The following THUMPD2 variants were observed in gnomAD, a reference collection of about 807,000 sequenced individuals.
The protein encoded by THUMPD2 is THUMP domain 2 tRNA and snRNA guanosine methyltransferase.
In THUMPD2, 56 loss-of-function variants were observed where a neutral mutation model predicts 49.4. The ratio of observed to expected loss-of-function variants is 1.13; its 90% CI spans 0.91 to 1.41. The LOEUF is 1.41. Ranked by LOEUF, THUMPD2 falls within the 40% of genes most tolerant of loss-of-function variation. THUMPD2 has a pLI of 0.00. For missense variants in THUMPD2, 709 were observed against 594.5 expected, an observed-to-expected ratio of 1.19 and a Z score of -2.00; for synonymous variants, 237 against 205.2, an observed-to-expected ratio of 1.15 and a Z score of -1.32.
Position 39,769,925 on chromosome 2 carries a change from G to A in THUMPD2, c.457C>T (p.Gln153Ter), listed in dbSNP as rs763280636. Reference sequence around the variant, plus strand: ...CAGTCCCTATTCTCTTCTATCTTTTGCATTTGTTCTATTTTTAATTTCTTT... The same window carrying A: ...CAGTCCCTATTCTCTTCTATCTTTTACATTTGTTCTATTTTTAATTTCTTT... ...IAKKLKIEQM[Q>*]KIEENRDCQL... The change falls in exon 3 of 10, where the codon CAA becomes TAA. Residue 153 changes from glutamine to a stop codon, truncating the protein, a stop_gained. Coordinates refer to ENST00000505747, the MANE Select transcript of THUMPD2 (RefSeq NM_025264.5). LOFTEE classifies it high-confidence loss of function. 1 of 1,575,170 alleles carries A rather than the reference G, an allele frequency of 6.3e-7. No homozygotes were observed. The highest frequency in any genetic ancestry group is 1.4e-5 in the African/African-American group (1 of 71,950).
chr2:39,769,225 A>G (rs542552533), intron 3 of THUMPD2: 6 of 483,058 alleles, frequency 1.2e-5, no homozygotes, highest in South Asian at 7.4e-5. Flanking sequence ...GGCAGAAAGT[A>G]TAAGAAAGTC....
chr2:39,744,390 G>A lies in THUMPD2; in HGVS notation c.1167C>T (p.Ser389=). 3 of 1,575,228 alleles carry A rather than the reference G, an allele frequency of 1.9e-6. No individual in the cohort carries two copies. Among genetic ancestry groups the A allele is most frequent in the Non-Finnish European group, 1.7e-6 (2 of 1,163,548 alleles). Reference sequence around the variant, plus strand: ...CTTACCTTTCCATTTCTTGTAGAATGCTTTTGATGTCTTTTCCTAACTTAA... The same window carrying A: ...CTTACCTTTCCATTTCTTGTAGAATACTTTTGATGTCTTTTCCTAACTTAA... ...KKFKLGKDIK[S]ILQEMERVLH... is the part of the protein sequence containing the mutation. The change falls in exon 9 of 10, where the codon AGC becomes AGT. Residue 389 remains serine (S), a synonymous_variant. Coordinates refer to ENST00000505747, the MANE Select transcript of THUMPD2 (RefSeq NM_025264.5).
At chr2:39,769,217 C>A in intron 3 of THUMPD2, 1 of 574,802 alleles carries the variant, frequency 1.7e-6, no homozygotes. Flanking sequence ...AATTTTTAGG[C>A]AGAAAGTATA....
chr2:39,768,369 ACTGT>A, intron 4 of THUMPD2, 51 bp downstream of exon 4: 1 of 1,380,006 alleles, frequency 7.2e-7, no homozygotes, highest in South Asian at 1.2e-5. Flanking sequence ...AATACAGGAC[ACTGT>A]CTTTAAAGAA....
chr2:39,736,980 T>G lies in THUMPD2; in HGVS notation c.1267A>C (p.Asn423His), dbSNP rs1673164528. ...CTGTCCTTGGAATTGAAAGGGATGT[T>G]GCTCTCTTTACAATCTGTAAGGCGC... is the stretch of plus-strand genomic sequence containing the variant. ...HRRLTDCKES[N>H]IPFNSKDSHT... The change falls in exon 10 of 10, where the codon AAC becomes CAC. Residue 423 changes from asparagine (N) to histidine (H), a missense_variant. Transcript: ENST00000505747. The G allele has an allele frequency of 6.2e-7, 1 of 1,614,002 alleles. No individual in the cohort carries two copies. Among genetic ancestry groups the G allele is most frequent in the South Asian group, 1.1e-5 (1 of 91,080 alleles).
In THUMPD2 at chr2:39,750,811, C is replaced by A. The variant is rs190024696; in HGVS notation, c.1078+4484G>T. Among the ~76,000 whole-genome samples, 9 of 152,268 alleles carry A rather than the reference C, an allele frequency of 5.9e-5. No homozygotes were observed. In the East Asian group the frequency reaches 1.5e-3, roughly 26 times the overall value. On this transcript the variant is annotated intron_variant, in intron 8 of 9. Coordinates refer to ENST00000505747, the MANE Select transcript of THUMPD2 (RefSeq NM_025264.5). ...ATTTGGTCAGTGATATCGCCATGGC[C>A]TTCACAGTAGGATTGTAAATATCAA... is the stretch of plus-strand genomic sequence containing the variant.
In THUMPD2 at chr2:39,771,683, G is replaced by A. The variant is rs773210251; in HGVS notation, c.127-43C>T. The stretch of plus-strand genomic sequence containing the variant: ...GCTTTTAATGTAGTCCAGTGTCAGT[G>A]AAAAAACCATATTTTTTCCCTCAAG... On this transcript the variant is annotated intron_variant, in intron 1 of 9. Coordinates refer to ENST00000505747, the MANE Select transcript of THUMPD2 (RefSeq NM_025264.5). 3.2e-6 allele frequency: 5 copies of A among 1,559,014 alleles called. No individual in the cohort carries two copies. The South Asian group carries it at 4.9e-5, about 15-fold the overall frequency.
At chr2:39,763,495 T>C (rs763233093) in intron 5 of THUMPD2, among the ~76,000 whole-genome samples, 1 of 152,062 alleles carries the variant, frequency 6.6e-6, no homozygotes, top group Non-Finnish European at 1.5e-5. Flanking sequence ...TTTCACTGAA[T>C]ACACTGTTTT....
At chr2:39,769,229 G>A in intron 3 of THUMPD2, 1 of 452,972 alleles carries the variant, frequency 2.2e-6, no homozygotes, top group Non-Finnish European at 3.7e-6. Context: ...GAAAGTATAA[G>A]AAAGTCATTA....
chr2:39,755,936 T>A lies in THUMPD2; in HGVS notation c.916A>T (p.Met306Leu), dbSNP rs766776369. ...AAAAGTATTGTTCCAAGTCCACACATTGGATCTAAAACAAATGCACCAGCC... is the reference window on the plus strand; with the variant it reads ...AAAAGTATTGTTCCAAGTCCACACAATGGATCTAAAACAAATGCACCAGCC... ...IKAGAFVLDPMCGLGTILLEA... is the reference protein window; with the variant it reads ...IKAGAFVLDPLCGLGTILLEA... Residue 306 changes from methionine to leucine, a missense_variant, in exon 7 of 10, where the codon ATG (methionine) becomes TTG (leucine). Physicochemically the swap from Met to Leu is conservative, Grantham distance 15 (BLOSUM62 2). Transcript: ENST00000505747. The A allele has an allele frequency of 4.3e-6, 7 of 1,613,676 alleles. No homozygotes were observed. Among genetic ancestry groups the A allele is most frequent in the Non-Finnish European group, 5.9e-6 (7 of 1,179,836 alleles).
intron 5 of THUMPD2, among the ~76,000 whole-genome samples, chr2:39,765,740 G>A (rs1677431485): frequency 6.6e-6 from 1 of 151,930 alleles, no homozygotes; most frequent in Non-Finnish European, 1.5e-5. Flanking sequence ...ACTGGAGTAG[G>A]GCAGCCTAGA....
chr2:39,779,117 C>A lies in THUMPD2; in HGVS notation c.123G>T (p.Thr41=). The part of the protein sequence containing the change: ...MREVRARLAA[T]QVEYISGKVF... ...GCGCGCAGCGAGGCCAACTCACCTG[C>A]GTGGCCGCCAGCCGCGCCCGCACCT... Residue 41 remains threonine, a synonymous_variant, in exon 1 of 10, where the codon ACG becomes ACT. Transcript: ENST00000505747. The A allele has an allele frequency of 2.0e-6, 3 of 1,509,320 alleles. No homozygotes were observed. Among genetic ancestry groups the A allele is most frequent in the Middle Eastern group, 1.9e-4 (1 of 5,394 alleles). 93.5% of individuals were successfully genotyped at this position (1,509,320 alleles called of 1,614,324 possible). A position where few individuals can be genotyped will look rare whatever the true frequency, so the allele number is the denominator to read the frequency against.
At chr2:39,772,327 G>A (rs950976374) in intron 1 of THUMPD2, among the ~76,000 whole-genome samples, 6 of 152,180 alleles carry the variant, frequency 3.9e-5, no homozygotes, top group Admixed American at 6.5e-5. Flanking sequence ...TGAGTACCAC[G>A]AATGGTAATG....
At chr2:39,775,761 A>AC (rs1491164405) in intron 1 of THUMPD2, among the ~76,000 whole-genome samples, 1 of 30,864 alleles carries the variant, frequency 3.2e-5, no homozygotes, top group Non-Finnish European at 5.8e-5. Context: ...ACACTATGTC[A>AC]AAAAAAAAAA....
At chr2:39,765,954 TTC>T (rs1239248554) in intron 5 of THUMPD2, 101 bp downstream of exon 5, 6 of 914,588 alleles carry the variant, frequency 6.6e-6, no homozygotes, top group Non-Finnish European at 1.0e-5. Flanking sequence ...GCCTTTAGCC[TTC>T]TCTGTTATAT....
chr2:39,760,587 G>A (rs1252880088), intron 6 of THUMPD2, among the ~76,000 whole-genome samples: 3 of 152,034 alleles, frequency 2.0e-5, no homozygotes, highest in African/African-American at 7.2e-5. Context: ...CTCACTGAAA[G>A]AGAGACCATC....
rs185183752 is a variant in THUMPD2 at position 39,771,456 on chromosome 2, T to C, written c.262+49A>G. On this transcript the variant is annotated intron_variant, in intron 2 of 9. Coordinates refer to ENST00000505747, the MANE Select transcript of THUMPD2 (RefSeq NM_025264.5). ...TATTATCAAGCAGAAAATGTTGGAG[T>C]ACAATGTATCATGTGGGTAAAAGCA... is the stretch of plus-strand genomic sequence containing the variant. 1.4e-4 allele frequency: 218 copies of C among 1,534,540 alleles called. No homozygotes were observed. The African/African-American group carries it at 2.8e-3, about 20-fold the overall frequency.
At position 39,756,310 on chromosome 2, in the gene THUMPD2, T is replaced by C. The variant is rs189622662; in HGVS notation, c.892-350A>G. On this transcript the variant is annotated intron_variant, in intron 6 of 9. Transcript: ENST00000505747. ...CATAGATTCTGGTATGCTGGTAGAC[T>C]TGGTGAGGAGAACATGCAGAAGTTC... Among the ~76,000 whole-genome samples the C allele has an allele frequency of 2.6e-5, 4 of 152,016 alleles. No individual in the cohort carries two copies. The East Asian group carries it at 7.8e-4, about 30-fold the overall frequency.
intron 9 of THUMPD2, among the ~76,000 whole-genome samples, chr2:39,739,294 T>A (rs1438757227): frequency 6.6e-6 from 1 of 152,204 alleles, no homozygotes; most frequent in Non-Finnish European, 1.5e-5. Context: ...CTTTGCTTAC[T>A]GACCTTCCTT....
Sources: allele counts gnomAD v4.1 joint callset (sites outside exome capture counted in the v4.1 genomes callset), GRCh38; gene constraint gnomAD v4.1.1; transcripts MANE v1.5; gene names NCBI Gene and HGNC (gene_info 2026-07-23, HGNC 2026-07-21).